The following NPR3 variants were observed in gnomAD, a reference collection of about 807,000 sequenced individuals.
The protein encoded by NPR3 is atrial natriuretic peptide receptor 3.
Under a neutral mutation model 54.5 loss-of-function variants are expected in NPR3, and 34 were observed. The observed-to-expected ratio is 0.62, with a 90% confidence interval of 0.47 to 0.83. NPR3 has a LOEUF of 0.83. Among genes scored for constraint, NPR3 ranks in the 40% least tolerant of loss-of-function variants. NPR3 has a pLI of 0.00. For missense variants in NPR3, 674 were observed against 720.8 expected, an observed-to-expected ratio of 0.94 and a Z score of 0.74; for synonymous variants, 289 against 297.1, an observed-to-expected ratio of 0.97 and a Z score of 0.28.
At chr5:32,779,985 A>G (rs922389304) in intron 4 of NPR3, among the ~76,000 whole-genome samples, 1 of 152,194 alleles carries the variant, frequency 6.6e-6, no homozygotes, top group African/African-American at 2.4e-5. Flanking sequence ...GTCCAAGGTC[A>G]TGGAGCTATG....
intron 3 of NPR3, among the ~76,000 whole-genome samples, chr5:32,769,396 A>G (rs555089416): frequency 6.6e-5 from 10 of 152,272 alleles, no homozygotes; most frequent in African/African-American, 2.4e-4. Flanking sequence ...ACCAGTTTCA[A>G]TTCAGGTCAG....
At chr5:32,766,369 A>C (rs1378199529) in intron 3 of NPR3, among the ~76,000 whole-genome samples, 1 of 152,242 alleles carries the variant, frequency 6.6e-6, no homozygotes, top group Admixed American at 6.5e-5. Flanking sequence ...TATAGACAGC[A>C]GAATCCCAAC....
upstream of NPR3, chr5:32,710,528 G>C (rs957172766): frequency 1.1e-5 from 11 of 1,032,142 alleles, no homozygotes; most frequent in Non-Finnish European, 1.4e-5. Flanking sequence ...GGGTCCGTGA[G>C]CTGGGACACT....
intron 2 of NPR3, among the ~76,000 whole-genome samples, chr5:32,729,274 C>T (rs1739337525): frequency 6.6e-6 from 1 of 151,938 alleles, no homozygotes; most frequent in Non-Finnish European, 1.5e-5. Flanking sequence ...CGTGATCCGC[C>T]CACCTCGGCC....
intron 4 of NPR3, among the ~76,000 whole-genome samples, chr5:32,778,374 AG>A (rs1244734672): frequency 1.3e-5 from 2 of 152,220 alleles, no homozygotes; most frequent in African/African-American, 4.8e-5. Context: ...ATCTGTATGA[AG>A]AAAAACTCAA....
At chr5:32,760,124 TG>T (rs955220814) in intron 3 of NPR3, among the ~76,000 whole-genome samples, 6 of 149,216 alleles carry the variant, frequency 4.0e-5, no homozygotes, top group African/African-American at 1.2e-4. Flanking sequence ...TGTTGATGGA[TG>T]TTTTTTTTTT....
chr5:32,790,846 CTG>C lies in NPR3; in HGVS notation c.*4504_*4505del, dbSNP rs910472919. ...AGTAAAAATCCATTTTATAATAGCTCTGTGATATATCAGTGGGAGATGATTCA... is the reference window on the plus strand; with the variant it reads ...AGTAAAAATCCATTTTATAATAGCTCTGATATATCAGTGGGAGATGATTCA... On this transcript the variant is annotated 3_prime_UTR_variant, in exon 8 of 8. Transcript: ENST00000265074. The C allele has an allele frequency of 1.2e-5, 2 of 166,984 alleles. No individual in the cohort carries two copies. Among genetic ancestry groups the C allele is most frequent in the African/African-American group, 4.8e-5 (2 of 41,406 alleles). 10.3% of individuals were successfully genotyped at this position (166,984 alleles called of 1,614,324 possible).
intron 1 of NPR3, among the ~76,000 whole-genome samples, chr5:32,718,323 GCT>G (rs1738664290): frequency 6.6e-6 from 1 of 152,168 alleles, no homozygotes; most frequent in Admixed American, 6.5e-5. Flanking sequence ...GGCAATGCCA[GCT>G]CTTTTTTGGT....
chr5:32,731,637 A>C (rs1232932424), intron 2 of NPR3, among the ~76,000 whole-genome samples: 1 of 152,212 alleles, frequency 6.6e-6, no homozygotes, highest in Non-Finnish European at 1.5e-5. Context: ...AATACTTAAA[A>C]AATTATGTTA....
At chr5:32,710,139 GGTCACGGA>G (rs1738135730), upstream of NPR3, 1 of 152,170 alleles carries the variant, frequency 6.6e-6, no homozygotes, top group African/African-American at 2.4e-5. Flanking sequence ...ATGCTCCTCT[GGTCACGGA>G]CTTCTCCAGA....
intron 1 of NPR3, among the ~76,000 whole-genome samples, chr5:32,696,430 G>A (rs920438794): frequency 1.3e-5 from 2 of 151,106 alleles, no homozygotes; most frequent in African/African-American, 2.4e-5. Flanking sequence ...GTCAGGTAAT[G>A]TGATTCTTCC....
At chr5:32,763,247 G>A (rs932933495) in intron 3 of NPR3, among the ~76,000 whole-genome samples, 80 of 152,132 alleles carry the variant, frequency 5.3e-4, no homozygotes, top group Middle Eastern at 3.2e-3. Flanking sequence ...TTGTAGTATA[G>A]TTTGAAGTCA....
chr5:32,763,785 T>A (rs1228023011), intron 3 of NPR3, among the ~76,000 whole-genome samples: 1 of 152,238 alleles, frequency 6.6e-6, no homozygotes, highest in Non-Finnish European at 1.5e-5. Context: ...GTTTTGATTT[T>A]ATACTGGATG....
chr5:32,717,472 C>G (rs1372498349), intron 1 of NPR3, among the ~76,000 whole-genome samples: 2 of 152,236 alleles, frequency 1.3e-5, no homozygotes, highest in Non-Finnish European at 2.9e-5. Flanking sequence ...CTCCCACCAA[C>G]AGTGTAAAAG....
At chr5:32,708,988 C>T (rs1330389274), upstream of NPR3, among the ~76,000 whole-genome samples, 1 of 150,678 alleles carries the variant, frequency 6.6e-6, no homozygotes, top group African/African-American at 2.4e-5. Flanking sequence ...TGTTGCTGCT[C>T]TTGAGTGTGA....
chr5:32,776,345 C>T (rs543518420), intron 4 of NPR3, among the ~76,000 whole-genome samples: 2 of 152,060 alleles, frequency 1.3e-5, no homozygotes, highest in African/African-American at 4.8e-5. Context: ...ATTTTTTTTG[C>T]AATTTTTGCT....
chr5:32,726,523 A>G (rs1317448303), intron 2 of NPR3, among the ~76,000 whole-genome samples: 1 of 152,168 alleles, frequency 6.6e-6, no homozygotes, highest in Non-Finnish European at 1.5e-5. Context: ...GGTTGAGTTC[A>G]TTGAAATGGT....
intron 2 of NPR3, among the ~76,000 whole-genome samples, chr5:32,731,519 A>G (rs1440189137): frequency 6.6e-6 from 1 of 152,236 alleles, no homozygotes. Context: ...CAGACTCAGT[A>G]ATAAATGAGG....
intron 2 of NPR3, among the ~76,000 whole-genome samples, chr5:32,726,108 G>A (rs1050469588): frequency 1.3e-5 from 2 of 152,186 alleles, no homozygotes; most frequent in Non-Finnish European, 2.9e-5. Context: ...GCTCAGAGCG[G>A]AGCAGTTGTA....
Sources: allele counts gnomAD v4.1 joint callset (sites outside exome capture counted in the v4.1 genomes callset), GRCh38; gene constraint gnomAD v4.1.1; transcripts MANE v1.5; gene names NCBI Gene and HGNC (gene_info 2026-07-23, HGNC 2026-07-21).